The following MGRN1 variants were observed in gnomAD, a reference collection of about 807,000 sequenced individuals.
The protein encoded by MGRN1 is mahogunin ring finger 1, also known as E3 ubiquitin-protein ligase MGRN1.
In MGRN1, 29 loss-of-function variants were observed where a neutral mutation model predicts 69.2. The ratio of observed to expected loss-of-function variants is 0.42; its 90% CI spans 0.31 to 0.57. MGRN1 has a LOEUF of 0.57. MGRN1 is among the 20% of genes least tolerant of loss of function. The pLI is 0.15. For missense variants in MGRN1, 998 were observed against 796.2 expected, an observed-to-expected ratio of 1.25 and a Z score of -3.05; for synonymous variants, 470 against 344.2, an observed-to-expected ratio of 1.37 and a Z score of -4.04.
At chr16:4,663,742 C>T (rs140131334) in intron 5 of MGRN1, among the ~76,000 whole-genome samples, 260 of 152,270 alleles carry the variant, frequency 1.7e-3, no homozygotes, top group African/African-American at 5.8e-3. Flanking sequence ...AGGACGTGGC[C>T]TGTAGAGAGT....
chr16:4,683,971 C>G (rs1423993756), intron 16 of MGRN1, 39 bp downstream of exon 16: 2 of 1,511,556 alleles, frequency 1.3e-6, no homozygotes, highest in Non-Finnish European at 1.8e-6. Flanking sequence ...GGCTGGGTGC[C>G]TGTCTTAGTC....
chr16:4,653,009 C>T (rs1002378668), intron 4 of MGRN1, among the ~76,000 whole-genome samples, 185 bp downstream of exon 4: 3 of 152,040 alleles, frequency 2.0e-5, no homozygotes, highest in Admixed American at 6.5e-5. Context: ...CTGCGGGAAC[C>T]AGCTGGGGTC....
At position 4,683,893 on chromosome 16, in the gene MGRN1, C is replaced by T. The variant is rs1008850017; in HGVS notation, c.1579C>T (p.His527Tyr). The change falls in exon 16 of 17, where the codon CAC (histidine) becomes TAC (tyrosine). Residue 527 changes from histidine to tyrosine, a missense_variant. By Grantham distance (83) the His-to-Tyr change is moderately conservative. Transcript: ENST00000262370. ...ENVLQDSSPE[H>Y]CGRGPPADIY... is the part of the protein sequence containing the mutation. ...TGTCCTGCAGGACAGCAGCCCCGAGCACTGTGGCCGAGGCCCACCTGCTGA... is the reference window on the plus strand; with the variant it reads ...TGTCCTGCAGGACAGCAGCCCCGAGTACTGTGGCCGAGGCCCACCTGCTGA... 1 of 1,612,944 alleles carries T rather than the reference C, an allele frequency of 6.2e-7. No homozygotes were observed. Among genetic ancestry groups the T allele is most frequent in the Non-Finnish European group, 8.5e-7 (1 of 1,179,820 alleles).
At chr16:4,670,531 C>A (rs760000884) in intron 8 of MGRN1, among the ~76,000 whole-genome samples, 9 of 152,262 alleles carry the variant, frequency 5.9e-5, no homozygotes, top group Non-Finnish European at 1.3e-4. Context: ...TAGGTGTAAG[C>A]CACTGCACCC....
chr16:4,653,349 T>C (rs901186887), intron 4 of MGRN1, among the ~76,000 whole-genome samples: 2 of 152,164 alleles, frequency 1.3e-5, no homozygotes, highest in Admixed American at 6.5e-5. Flanking sequence ...CCAGAAGCTC[T>C]CCTGAAAACC....
chr16:4,671,754 C>T (rs2078941856), intron 9 of MGRN1, among the ~76,000 whole-genome samples: 1 of 152,100 alleles, frequency 6.6e-6, no homozygotes, highest in Admixed American at 6.5e-5. Flanking sequence ...ACCCTGCTGC[C>T]CGGCTCCTGC....
At chr16:4,634,940 C>G (rs1898202456) in intron 1 of MGRN1, 1 of 152,196 alleles carries the variant, frequency 6.6e-6, no homozygotes, top group Admixed American at 6.5e-5. Context: ...CCACTGCTCA[C>G]ATAACTGAAG....
At position 4,682,885 on chromosome 16, in the gene MGRN1, T is replaced by TGGACGC; in HGVS notation, c.1422_1427dup (p.Asp475_Ala476dup). ...GATGAGGAGAAGCTCTCCGAGGACG[T>TGGACGC]GGACGCCCCTCCCCCACTGGGTGGC... On this transcript the variant is annotated inframe_insertion, in exon 14 of 17. Coordinates refer to ENST00000262370, the MANE Select transcript of MGRN1 (RefSeq NM_015246.4). 2 of 1,609,724 alleles carry TGGACGC rather than the reference T, an allele frequency of 1.2e-6. No homozygotes were observed. Among genetic ancestry groups the TGGACGC allele is most frequent in the East Asian group, 4.5e-5 (2 of 44,720 alleles).
chr16:4,675,048 C>A (rs1165863767), intron 10 of MGRN1, among the ~76,000 whole-genome samples: 1 of 152,218 alleles, frequency 6.6e-6, no homozygotes, highest in Admixed American at 6.5e-5. Flanking sequence ...TCTTGGCTCA[C>A]TGTAACCTCT....
chr16:4,633,683 C>T (rs1898125070), intron 1 of MGRN1: 1 of 151,912 alleles, frequency 6.6e-6, no homozygotes, highest in South Asian at 2.1e-4. Flanking sequence ...TAGAGCAAAA[C>T]TCTGTCTCAA....
Position 4,689,060 on chromosome 16 carries a change from C to T in MGRN1, c.*152C>T, listed in dbSNP as rs754566754. ...CGTGGTGACTCTTGATCAAAGAGCACAGTGAACTGTCCCTTCTGAGTCTCC... is the reference window on the plus strand; with the variant it reads ...CGTGGTGACTCTTGATCAAAGAGCATAGTGAACTGTCCCTTCTGAGTCTCC... On this transcript the variant is annotated 3_prime_UTR_variant, in exon 17 of 17. Transcript: ENST00000262370. 1.6e-5 allele frequency: 17 copies of T among 1,034,986 alleles called. No individual in the cohort carries two copies. Among genetic ancestry groups the T allele is most frequent in the Non-Finnish European group, 2.0e-5 (15 of 740,544 alleles). 64.1% of individuals were successfully genotyped at this position (1,034,986 alleles called of 1,614,324 possible).
intron 11 of MGRN1, among the ~76,000 whole-genome samples, chr16:4,678,849 G>C (rs540971355): frequency 6.6e-6 from 1 of 152,236 alleles, no homozygotes; most frequent in Admixed American, 6.5e-5. Context: ...CTTTGCTCTA[G>C]AAGGCTCCTC....
intron 16 of MGRN1, among the ~76,000 whole-genome samples, chr16:4,685,540 C>G (rs372380063): frequency 4.0e-4 from 61 of 152,372 alleles, no homozygotes; most frequent in Admixed American, 1.2e-3. Flanking sequence ...GGGCCCCGCT[C>G]TTGGAGTTGG....
At chr16:4,688,599 C>G in intron 16 of MGRN1, 197 bp from the exon 17 acceptor site, 1 of 1,350,164 alleles carries the variant, frequency 7.4e-7, no homozygotes, top group South Asian at 2.0e-5. Flanking sequence ...CCAAGAGGGA[C>G]ACAGCGTATT....
At position 4,632,306 on chromosome 16, in the gene MGRN1, G is replaced by A. The variant is rs146487158; in HGVS notation, c.88+7258G>A. On this transcript the variant is annotated intron_variant, in intron 1 of 16. Transcript: ENST00000262370. The stretch of plus-strand genomic sequence containing the variant: ...TGGTATTACAGGCATGAGCCACTGC[G>A]CCCGGCTATTCTTAATAACAGTTTT... Among the ~76,000 whole-genome samples, 266 of 152,062 alleles carry A rather than the reference G, an allele frequency of 1.7e-3. 1 individual carries two copies. The highest frequency in any genetic ancestry group is 6.8e-3 in the Middle Eastern group (2 of 294).
chr16:4,672,847 G>C (rs934653640), intron 9 of MGRN1, among the ~76,000 whole-genome samples: 2 of 151,962 alleles, frequency 1.3e-5, no homozygotes, highest in Admixed American at 1.3e-4. Context: ...TTTTTTGTTT[G>C]TTTGTTTTGA....
intron 1 of MGRN1, chr16:4,640,104 G>T (rs545524267): frequency 6.6e-6 from 1 of 152,454 alleles, no homozygotes; most frequent in African/African-American, 2.4e-5. Context: ...GAATGTCCCT[G>T]TTTTCCTCTC....
intron 1 of MGRN1, among the ~76,000 whole-genome samples, chr16:4,630,267 G>T (rs1228252500): frequency 6.7e-6 from 1 of 148,908 alleles, no homozygotes; most frequent in Non-Finnish European, 1.5e-5. Flanking sequence ...CAGAAGAATC[G>T]CTGGAACCCG....
chr16:4,655,416 CT>C (rs1438038626), intron 4 of MGRN1, among the ~76,000 whole-genome samples: 2 of 152,192 alleles, frequency 1.3e-5, no homozygotes, highest in Admixed American at 1.3e-4. Context: ...CAGTCCCCCC[CT>C]CTCAGGACCT....
Sources: allele counts gnomAD v4.1 joint callset (sites outside exome capture counted in the v4.1 genomes callset), GRCh38; gene constraint gnomAD v4.1.1; transcripts MANE v1.5; gene names NCBI Gene and HGNC (gene_info 2026-07-23, HGNC 2026-07-21).